PLAT: variants seen among roughly 807,000 people sequenced by gnomAD.
The protein encoded by PLAT is tissue-type plasminogen activator.
PLAT carries 48 observed loss-of-function variants against 74.9 expected under a neutral mutation model. That is an observed-to-expected ratio of 0.64 (90% confidence interval 0.51 to 0.82). PLAT has a LOEUF of 0.82. Ranked by LOEUF, PLAT falls within the 40% of genes least tolerant of loss-of-function variation. PLAT has a pLI of 0.00. For synonymous variants in PLAT, 307 were observed against 294.4 expected (o/e 1.04, Z -0.44); for missense variants, 673 against 736.2 (o/e 0.91, Z 0.99).
chr8:42,201,235 C>T lies in PLAT; in HGVS notation c.-27+6259G>A, dbSNP rs550305511. 2.6e-5 allele frequency among the ~76,000 whole-genome samples: 4 copies of T among 152,366 alleles called. No individual in the cohort carries two copies. The Middle Eastern group carries it at 0.01, about 389-fold the overall frequency. ...TGGAAATCTAACTGCATTTACAGCA[C>T]ACATTCTGTGTGGGCAACTCACTCT... On this transcript the variant is annotated intron_variant, in intron 1 of 13. Transcript: ENST00000220809.
chr8:42,197,059 G>A (rs1805938699), intron 1 of PLAT, among the ~76,000 whole-genome samples: 1 of 152,156 alleles, frequency 6.6e-6, no homozygotes, highest in South Asian at 2.1e-4. Flanking sequence ...ACACAAAGTT[G>A]ATTTTTGCAG....
chr8:42,190,099 G>T (rs2129759191), intron 3 of PLAT, among the ~76,000 whole-genome samples: 1 of 151,996 alleles, frequency 6.6e-6, no homozygotes, highest in East Asian at 1.9e-4. Context: ...TTTTGTAGAG[G>T]CGGGGTGGGG....
intron 13 of PLAT, 75 bp downstream of exon 13, chr8:42,178,822 T>C (rs565080835): frequency 7.1e-7 from 1 of 1,413,496 alleles, no homozygotes; most frequent in East Asian, 2.3e-5. Context: ...ACTTTTTTCT[T>C]TGGTGAAGAA....
intron 1 of PLAT, among the ~76,000 whole-genome samples, chr8:42,198,652 AG>A (rs1228989473): frequency 9.9e-5 from 15 of 152,230 alleles, no homozygotes; most frequent in African/African-American, 3.6e-4. Flanking sequence ...AAGCTAGAGG[AG>A]GAGGGAAATT....
At chr8:42,178,222 A>C (rs1351647686) in intron 13 of PLAT, among the ~76,000 whole-genome samples, 1 of 150,896 alleles carries the variant, frequency 6.6e-6, no homozygotes, top group Non-Finnish European at 1.5e-5. Context: ...TCTACAAAGC[A>C]GACTCCAATT....
chr8:42,188,319 G>A (rs142520440), intron 4 of PLAT: 4 of 294,326 alleles, frequency 1.4e-5, no homozygotes, highest in African/African-American at 2.2e-5. Flanking sequence ...GCCAGGCGCT[G>A]TTGTACAGTC....
intron 7 of PLAT, 179 bp downstream of exon 7, chr8:42,184,902 C>T: frequency 2.1e-6 from 1 of 473,216 alleles, no homozygotes; most frequent in Non-Finnish European, 3.7e-6. Context: ...GACAAATAGC[C>T]AGTCAGAGGC....
chr8:42,182,695 AC>A (rs748790124), intron 8 of PLAT, 23 bp downstream of exon 8: 15 of 1,565,978 alleles, frequency 9.6e-6, no homozygotes, highest in South Asian at 4.7e-5. Flanking sequence ...CAAGACCTGA[AC>A]CCCCCACCCC....
At chr8:42,199,592 T>C (rs1305812560) in intron 1 of PLAT, among the ~76,000 whole-genome samples, 1 of 152,144 alleles carries the variant, frequency 6.6e-6, no homozygotes, top group Non-Finnish European at 1.5e-5. Flanking sequence ...CATGTCCAGC[T>C]GTCATCTCCT....
Position 42,180,532 on chromosome 8 carries a change from C to T in PLAT, c.1043G>A (p.Ser348Asn), listed in dbSNP as rs771310491. 1.2e-6 allele frequency: 2 copies of T among 1,614,154 alleles called. No homozygotes were observed. Among genetic ancestry groups the T allele is most frequent in the East Asian group, 4.5e-5 (2 of 44,886 alleles). The change falls in exon 10 of 14, where the codon AGC becomes AAC. Residue 348 changes from serine to asparagine, a missense_variant. By Grantham distance (46) the Ser-to-Asn change is conservative. Transcript: ENST00000220809. The stretch of plus-strand genomic sequence containing the variant: ...GGCGGCAGAGAGAATCCAGCAGGAG[C>T]TGATGAGTATGCCCCCGCACAGGAA... ...ERFLCGGILI[S>N]SCWILSAAHC...
At chr8:42,177,856 G>A (rs541097545) in intron 13 of PLAT, among the ~76,000 whole-genome samples, 5 of 152,270 alleles carry the variant, frequency 3.3e-5, no homozygotes, top group East Asian at 3.9e-4. Context: ...ACTGCCTTGC[G>A]AAAACAAAGC....
chr8:42,178,889 C>A lies in PLAT; in HGVS notation c.1530+8G>T. ...TGTGCCCAGCATGGGCGCGCCACTC[C>A]TGGTTACCTGGCAGGCGTCGTGCAA... On this transcript the variant is annotated splice_region_variant and intron_variant, in intron 13 of 13. Transcript: ENST00000220809. 1.9e-6 allele frequency: 3 copies of A among 1,612,544 alleles called. No individual in the cohort carries two copies. Among genetic ancestry groups the A allele is most frequent in the Non-Finnish European group, 2.5e-6 (3 of 1,179,704 alleles).
chr8:42,187,324 G>A lies in PLAT; in HGVS notation c.539+74C>T, dbSNP rs1805517857. On this transcript the variant is annotated intron_variant, in intron 6 of 13. Coordinates refer to ENST00000220809, the MANE Select transcript of PLAT (RefSeq NM_000930.5). ...TTATGTTTCTTGGGAGAACCCTGAC[G>A]GATCTGACAGAATCTTTCCCCAGCT... is the stretch of plus-strand genomic sequence containing the variant. 7 of 1,337,038 alleles carry A rather than the reference G, an allele frequency of 5.2e-6. No individual in the cohort carries two copies. In the Admixed American group the frequency reaches 6.5e-5, roughly 12 times the overall value. 82.8% of individuals were successfully genotyped at this position (1,337,038 alleles called of 1,614,324 possible).
At chr8:42,206,110 C>T (rs939274842) in intron 1 of PLAT, among the ~76,000 whole-genome samples, 1 of 152,178 alleles carries the variant, frequency 6.6e-6, no homozygotes, top group Admixed American at 6.5e-5. Context: ...GAATCCGACG[C>T]GAGTCATTGT....
rs8178795 is a variant in PLAT at position 42,177,187 on chromosome 8, C to T, written c.1531-1036G>A. On this transcript the variant is annotated intron_variant, in intron 13 of 13. Coordinates refer to ENST00000220809, the MANE Select transcript of PLAT (RefSeq NM_000930.5). ...GGCCAGGCTGGTCTCGAACTCCTGACCTCAGGTGATCTGCCTTCCTCAGCC... is the reference window on the plus strand; with the variant it reads ...GGCCAGGCTGGTCTCGAACTCCTGATCTCAGGTGATCTGCCTTCCTCAGCC... Among the ~76,000 whole-genome samples the T allele has an allele frequency of 3.7e-3, 569 of 152,340 alleles. 5 individuals are homozygous for T. The highest frequency in any genetic ancestry group is 0.013 in the African/African-American group (541 of 41,570).
chr8:42,198,656 G>A (rs865991533), intron 1 of PLAT, among the ~76,000 whole-genome samples: 6 of 152,328 alleles, frequency 3.9e-5, no homozygotes, highest in Non-Finnish European at 5.9e-5. Flanking sequence ...TAGAGGAGGA[G>A]GGAAATTGCA....
chr8:42,190,348 T>C (rs1373120122), intron 3 of PLAT, among the ~76,000 whole-genome samples: 1 of 152,182 alleles, frequency 6.6e-6, no homozygotes, highest in Non-Finnish European at 1.5e-5. Flanking sequence ...CCAAAGAAAA[T>C]TGACATTTTA....
chr8:42,194,461 C>G (rs1805828817), intron 1 of PLAT, among the ~76,000 whole-genome samples: 1 of 152,136 alleles, frequency 6.6e-6, no homozygotes, highest in Non-Finnish European at 1.5e-5. Flanking sequence ...TTTTGTTTAT[C>G]CATTCGTCTG....
At chr8:42,195,049 T>C (rs1022820156) in intron 1 of PLAT, among the ~76,000 whole-genome samples, 1 of 152,122 alleles carries the variant, frequency 6.6e-6, no homozygotes, top group African/African-American at 2.4e-5. Context: ...CCACAAAAAT[T>C]AAAGCATGGC....
Sources: allele counts gnomAD v4.1 joint callset (sites outside exome capture counted in the v4.1 genomes callset), GRCh38; gene constraint gnomAD v4.1.1; transcripts MANE v1.5; gene names NCBI Gene and HGNC (gene_info 2026-07-23, HGNC 2026-07-21).